The following TAFA4 variants were observed in gnomAD, a reference collection of about 807,000 sequenced individuals.
The protein encoded by TAFA4 is chemokine-like protein TAFA-4.
TAFA4 carries 20 observed loss-of-function variants against 21.1 expected under a neutral mutation model. That is an observed-to-expected ratio of 0.95 (90% CI 0.67 to 1.38). TAFA4 has a LOEUF of 1.38. Among genes scored for constraint, TAFA4 ranks in the 40% most tolerant of loss-of-function variants. The pLI is 0.00. For missense variants in TAFA4, 211 were observed against 180.9 expected, an observed-to-expected ratio of 1.17 and a Z score of -0.95; for synonymous variants, 71 against 67.4, an observed-to-expected ratio of 1.05 and a Z score of -0.26.
chr3:68,919,796 C>T (rs1229263614), intron 1 of TAFA4, among the ~76,000 whole-genome samples: 2 of 152,146 alleles, frequency 1.3e-5, no homozygotes. Flanking sequence ...TTGACCTGTT[C>T]TGGAGTTAAC....
chr3:68,858,511 AT>A (rs530290496), intron 3 of TAFA4, among the ~76,000 whole-genome samples: 8 of 151,180 alleles, frequency 5.3e-5, no homozygotes, highest in Non-Finnish European at 8.8e-5. Flanking sequence ...CCAATTGAAA[AT>A]TTTTTTTCAA....
chr3:68,875,767 G>T (rs2089542793), intron 3 of TAFA4, among the ~76,000 whole-genome samples: 2 of 151,980 alleles, frequency 1.3e-5, no homozygotes, highest in African/African-American at 4.8e-5. Flanking sequence ...AATTACTTTT[G>T]CCACTTCCCT....
At chr3:68,857,827 GA>G (rs200397283) in intron 3 of TAFA4, among the ~76,000 whole-genome samples, 12 of 147,930 alleles carry the variant, frequency 8.1e-5, no homozygotes, top group Non-Finnish European at 1.5e-4. Flanking sequence ...AAAACAAAAA[GA>G]AAAAAAAACA....
chr3:68,792,353 G>A (rs1703377932), intron 3 of TAFA4, among the ~76,000 whole-genome samples: 1 of 152,080 alleles, frequency 6.6e-6, no homozygotes, highest in Non-Finnish European at 1.5e-5. Flanking sequence ...CCCTCAATGA[G>A]TCAATGAAAA....
intron 3 of TAFA4, among the ~76,000 whole-genome samples, chr3:68,828,580 A>G (rs1211065444): frequency 6.6e-6 from 1 of 152,128 alleles, no homozygotes; most frequent in Non-Finnish European, 1.5e-5. Flanking sequence ...TTATCTTTGA[A>G]GAGGTCCTTC....
At chr3:68,898,952 AGT>A (rs2089818890) in intron 1 of TAFA4, among the ~76,000 whole-genome samples, 1 of 101,936 alleles carries the variant, frequency 9.8e-6, no homozygotes, top group Non-Finnish European at 2.0e-5. Flanking sequence ...GAAGTAGGGT[AGT>A]AAGTGGTCAG....
At chr3:68,837,892 A>G (rs2106888752) in intron 3 of TAFA4, among the ~76,000 whole-genome samples, 1 of 151,886 alleles carries the variant, frequency 6.6e-6, no homozygotes, top group Non-Finnish European at 1.5e-5. Context: ...ATTCTTTTTT[A>G]ATTGAAAAAT....
chr3:68,808,533 T>A (rs1252307433), intron 3 of TAFA4, among the ~76,000 whole-genome samples: 3 of 152,220 alleles, frequency 2.0e-5, no homozygotes, highest in African/African-American at 7.2e-5. Flanking sequence ...CCTACTTTTT[T>A]TCCTAATATG....
At chr3:68,813,163 C>T (rs1013200736) in intron 3 of TAFA4, among the ~76,000 whole-genome samples, 26 of 151,654 alleles carry the variant, frequency 1.7e-4, no homozygotes, top group African/African-American at 6.1e-4. Flanking sequence ...ATCTCTGGGA[C>T]ACATTCAAAG....
intron 4 of TAFA4, among the ~76,000 whole-genome samples, chr3:68,750,210 T>C (rs918984297): frequency 6.6e-6 from 1 of 152,178 alleles, no homozygotes; most frequent in African/African-American, 2.4e-5. Context: ...GGTAGGAGGA[T>C]TGCTTGAGCC....
chr3:68,777,482 AAATT>A (rs1269021125), intron 3 of TAFA4, among the ~76,000 whole-genome samples: 3 of 152,152 alleles, frequency 2.0e-5, no homozygotes, highest in African/African-American at 4.8e-5. Flanking sequence ...ATTTAACTGT[AAATT>A]AATTAAAAAT....
chr3:68,908,655 T>C (rs2089927046), intron 1 of TAFA4, among the ~76,000 whole-genome samples: 2 of 152,158 alleles, frequency 1.3e-5, no homozygotes, highest in Non-Finnish European at 2.9e-5. Flanking sequence ...GAAACACTGC[T>C]CTCCGCATGG....
chr3:68,838,822 C>T (rs954375850), intron 3 of TAFA4, among the ~76,000 whole-genome samples: 7 of 152,080 alleles, frequency 4.6e-5, no homozygotes, highest in South Asian at 2.1e-4. Flanking sequence ...GCCTGCCAGG[C>T]GCAGTGGCTC....
At chr3:68,815,549 A>G (rs1346669247) in intron 3 of TAFA4, among the ~76,000 whole-genome samples, 1 of 152,254 alleles carries the variant, frequency 6.6e-6, no homozygotes, top group African/African-American at 2.4e-5. Context: ...TGCAGCCAAA[A>G]GACGCATGAA....
intron 3 of TAFA4, among the ~76,000 whole-genome samples, chr3:68,795,347 C>G (rs1356139444): frequency 6.6e-6 from 1 of 151,664 alleles, no homozygotes; most frequent in Non-Finnish European, 1.5e-5. Context: ...AATAAAACAC[C>G]CTTCCCCCAT....
At chr3:68,865,083 A>G (rs2089399291) in intron 3 of TAFA4, among the ~76,000 whole-genome samples, 1 of 152,128 alleles carries the variant, frequency 6.6e-6, no homozygotes, top group South Asian at 2.1e-4. Context: ...CAAAGTGTAC[A>G]CTTTCAAATT....
chr3:68,744,796 A>AGAC (rs1311158927), intron 4 of TAFA4, among the ~76,000 whole-genome samples: 1 of 152,216 alleles, frequency 6.6e-6, no homozygotes, highest in East Asian at 1.9e-4. Flanking sequence ...TGAAAGACCA[A>AGAC]GACAGAACTC....
intron 1 of TAFA4, among the ~76,000 whole-genome samples, chr3:68,889,534 C>T (rs1418111686): frequency 6.6e-6 from 1 of 152,166 alleles, no homozygotes; most frequent in African/African-American, 2.4e-5. Context: ...TGAGCACCTT[C>T]AGAATACCTC....
intron 3 of TAFA4, among the ~76,000 whole-genome samples, chr3:68,846,359 C>T (rs926520466): frequency 4.6e-5 from 7 of 151,974 alleles, no homozygotes; most frequent in African/African-American, 1.7e-4. Flanking sequence ...TGTTTTTCAG[C>T]TCCATCAGGT....
Sources: gnomAD v4.1 joint callset for allele counts (sites outside exome capture counted in the v4.1 genomes callset) on GRCh38, gnomAD v4.1.1 for gene constraint, MANE v1.5 for transcripts, NCBI Gene and HGNC (gene_info 2026-07-23, HGNC 2026-07-21) for gene names.